Variants in NCKAP1L observed in about 807,000 individuals in gnomAD.
NCKAP1L encodes NCK associated protein 1 like, also known as nck-associated protein 1-like.
NCKAP1L carries 53 observed loss-of-function variants against 139.2 expected under a neutral mutation model. The ratio of observed to expected loss-of-function variants is 0.38; its 90% CI spans 0.31 to 0.48. The LOEUF (loss-of-function observed/expected upper bound fraction) is 0.48. NCKAP1L is among the 20% of genes least tolerant of loss of function. The pLI, the probability that NCKAP1L is intolerant of heterozygous loss-of-function variation, is 0.98. For synonymous variants in NCKAP1L, 468 were observed against 499.7 expected (o/e 0.94, Z 0.85); for missense variants, 1,151 against 1,381.9 (o/e 0.83, Z 2.65).
rs940530305 is a variant in NCKAP1L, at chr12:54,512,206, C to T, written c.941+101C>T. 31 of 1,258,676 alleles carry T rather than the reference C, an allele frequency of 2.5e-5. No individual in the cohort carries two copies. In the Admixed American group the frequency reaches 4.0e-4, roughly 16 times the overall value. 78.0% of individuals were successfully genotyped at this position (1,258,676 alleles called of 1,614,324 possible). ...AAGTGTTCCCAGATATAGGTGGTAA[C>T]GATTAATTCTAACTATTGAAGAAAT... On this transcript the variant is annotated intron_variant, in intron 9 of 30. Coordinates refer to ENST00000293373, the MANE Select transcript of NCKAP1L (RefSeq NM_005337.5).
intron 22 of NCKAP1L, among the ~76,000 whole-genome samples, chr12:54,530,276 G>A (rs1020263213): frequency 6.6e-6 from 1 of 152,196 alleles, no homozygotes; most frequent in Non-Finnish European, 1.5e-5. Context: ...TTTCCCTGCT[G>A]GGATGGCCCA....
At chr12:54,534,650 T>C (rs914075140) in intron 26 of NCKAP1L, among the ~76,000 whole-genome samples, 1 of 152,052 alleles carries the variant, frequency 6.6e-6, no homozygotes, top group Non-Finnish European at 1.5e-5. Flanking sequence ...AACCAGAGTA[T>C]GAGAGAGGAA....
chr12:54,532,089 T>C (rs1957077098), intron 25 of NCKAP1L, 81 bp from the exon 26 acceptor site: 4 of 351,010 alleles, frequency 1.1e-5, no homozygotes, highest in Non-Finnish European at 1.7e-5. Flanking sequence ...TGCCCCTCCT[T>C]TTTTTTTTTT....
At chr12:54,519,090 T>C in intron 15 of NCKAP1L, 97 bp from the exon 16 acceptor site, 1 of 1,568,804 alleles carries the variant, frequency 6.4e-7, no homozygotes, top group Non-Finnish European at 8.7e-7. Flanking sequence ...AAACTGCTAA[T>C]TGGACAAGAC....
Position 54,535,134 on chromosome 12 carries a change from G to T in NCKAP1L, c.2893G>T (p.Ala965Ser). Residue 965 changes from alanine to serine, a missense_variant, in exon 27 of 31, where the codon GCT becomes TCT. Physicochemically the swap from Ala to Ser is moderately conservative, Grantham distance 99. Transcript: ENST00000293373. ...CTTGAGTATCTTTGAGCTGGCATCT[G>T]CTGCAGGTGTGGGCTGTGACATTGA... The part of the protein sequence containing the change: ...VTLSIFELAS[A>S]AGVGCDIDPA... 1 of 1,613,400 alleles carries T rather than the reference G, an allele frequency of 6.2e-7. No individual in the cohort carries two copies. The highest frequency in any genetic ancestry group is 8.5e-7 in the Non-Finnish European group (1 of 1,179,652).
chr12:54,526,425 T>C (rs1957026099), intron 20 of NCKAP1L, 103 bp from the exon 21 acceptor site: 2 of 878,306 alleles, frequency 2.3e-6, no homozygotes, highest in African/African-American at 1.7e-5. Context: ...ATATGTGTAG[T>C]AAAATCCTAG....
chr12:54,537,718 G>T (rs1157737979), intron 29 of NCKAP1L, among the ~76,000 whole-genome samples: 1 of 152,120 alleles, frequency 6.6e-6, no homozygotes, highest in Non-Finnish European at 1.5e-5. Context: ...TTAGGGTGGG[G>T]CTGAATAATG....
At chr12:54,528,179 G>A (rs1202682211) in intron 21 of NCKAP1L, 68 bp from the exon 22 acceptor site, 1 of 1,566,390 alleles carries the variant, frequency 6.4e-7, no homozygotes, top group Non-Finnish European at 8.7e-7. Context: ...CTCAGTGGTA[G>A]TAGTAGGGAA....
intron 22 of NCKAP1L, among the ~76,000 whole-genome samples, chr12:54,528,611 ATCTTCT>A (rs113269671): frequency 1.7e-4 from 25 of 150,176 alleles, no homozygotes; most frequent in Admixed American, 2.7e-4. Flanking sequence ...CTGTCATGGC[ATCTTCT>A]TCTTCTTCTT....
At chr12:54,501,944 G>A (rs1343514092) in intron 3 of NCKAP1L, among the ~76,000 whole-genome samples, 1 of 152,144 alleles carries the variant, frequency 6.6e-6, no homozygotes, top group Non-Finnish European at 1.5e-5. Flanking sequence ...TGGGTGTGAG[G>A]TATTATCTCA....
chr12:54,506,673 A>G (rs1592337602), intron 3 of NCKAP1L, among the ~76,000 whole-genome samples: 1 of 147,368 alleles, frequency 6.8e-6, no homozygotes, highest in Admixed American at 6.8e-5. Context: ...CCTCAAGTGA[A>G]CCTCCCACCT....
chr12:54,542,440 G>C (rs548317404), intron 30 of NCKAP1L, 135 bp from the exon 31 acceptor site: 12 of 685,152 alleles, frequency 1.8e-5, no homozygotes, highest in Non-Finnish European at 1.8e-5. Flanking sequence ...GAGGGAAGAG[G>C]GGGGTGTGAT....
At chr12:54,500,685 T>C (rs1487211356) in intron 3 of NCKAP1L, 60 bp downstream of exon 3, 3 of 1,058,512 alleles carry the variant, frequency 2.8e-6, no homozygotes, top group Non-Finnish European at 4.4e-6. Flanking sequence ...ATTCTTTCTT[T>C]AGATGTTCAT....
intron 9 of NCKAP1L, 134 bp from the exon 10 acceptor site, chr12:54,516,105 G>A: frequency 1.3e-6 from 1 of 778,872 alleles, no homozygotes; most frequent in Non-Finnish European, 2.2e-6. Flanking sequence ...AGTAGGGTTT[G>A]GAAAGATCCT....
At chr12:54,531,385 A>C (rs1476079254) in intron 23 of NCKAP1L, 28 bp downstream of exon 23, 1 of 1,612,566 alleles carries the variant, frequency 6.2e-7, no homozygotes, top group African/African-American at 1.3e-5. Flanking sequence ...CCTTGGGGAA[A>C]AGATCCTACC....
chr12:54,506,796 A>AAAAATATATATATAT lies in NCKAP1L; in HGVS notation c.307-1056_307-1055insAAATATATATATATA. On this transcript the variant is annotated intron_variant, in intron 3 of 30. Coordinates refer to ENST00000293373, the MANE Select transcript of NCKAP1L (RefSeq NM_005337.5). Reference sequence around the variant, plus strand: ...TTTTGGCAACATATTAAAAAAAAAAAATATATATATATATATATATATATA... The same window carrying AAAAATATATATATAT: ...TTTTGGCAACATATTAAAAAAAAAAAAAAATATATATATATATATATATATATATATATATATATA... Among the ~76,000 whole-genome samples the AAAAATATATATATAT allele has an allele frequency of 5.4e-3, 271 of 50,568 alleles. 5 individuals carry two copies. Among genetic ancestry groups the AAAAATATATATATAT allele is most frequent in the East Asian group, 0.013 (12 of 930 alleles). 33.2% of individuals were successfully genotyped at this position (50,568 alleles called of 152,430 possible). A position where few individuals can be genotyped will look rare whatever the true frequency, so the allele number is the denominator to read the frequency against.
intron 20 of NCKAP1L, among the ~76,000 whole-genome samples, chr12:54,525,538 G>A (rs769760264): frequency 5.3e-5 from 8 of 152,126 alleles, no homozygotes; most frequent in Non-Finnish European, 1.0e-4. Flanking sequence ...AGTTTTACCC[G>A]AATAATCTCT....
At chr12:54,519,041 T>C (rs1956958008) in intron 15 of NCKAP1L, 69 bp downstream of exon 15, 1 of 1,561,630 alleles carries the variant, frequency 6.4e-7, no homozygotes, top group Non-Finnish European at 8.8e-7. Context: ...CTTCTCTTTT[T>C]ATCTCCTAAA....
intron 3 of NCKAP1L, among the ~76,000 whole-genome samples, chr12:54,506,790 A>ATATATAT (rs1165268195): frequency 7.3e-5 from 2 of 27,550 alleles, no homozygotes; most frequent in African/African-American, 5.5e-4. Context: ...CATATTAAAA[A>ATATATAT]AAAAAAATAT....
Sources: gnomAD v4.1 joint callset for allele counts (sites outside exome capture counted in the v4.1 genomes callset) on GRCh38, gnomAD v4.1.1 for gene constraint, MANE v1.5 for transcripts, NCBI Gene and HGNC (gene_info 2026-07-23, HGNC 2026-07-21) for gene names.